Variants in MTCL3 observed in about 807,000 individuals in gnomAD.
MTCL3 encodes the protein microtubule cross-linking factor 3.
chr6:127,473,007 A>G, the MTCL3 span: 1 of 748,808 alleles, frequency 1.3e-6, no homozygotes, highest in Non-Finnish European at 1.7e-6. Flanking sequence ...ATTTATCAAG[A>G]GGAGACAAAC....
At chr6:127,501,349 A>C in the MTCL3 span, among the ~76,000 whole-genome samples, 1,337 of 152,334 alleles carry the variant, frequency 8.8e-3, 21 homozygotes, top group African/African-American at 0.031. Flanking sequence ...TCCTAAATAC[A>C]CACAGTTGGA....
chr6:127,505,215 A>G, the MTCL3 span, among the ~76,000 whole-genome samples: 2 of 152,238 alleles, frequency 1.3e-5, no homozygotes, highest in Non-Finnish European at 2.9e-5. Context: ...ACTGAGTAGC[A>G]ATGGCGAGAT....
the MTCL3 span, chr6:127,476,076 C>T: frequency 6.2e-7 from 1 of 1,613,872 alleles, no homozygotes; most frequent in East Asian, 2.2e-5. The surrounding 1 kb of genome is among the most constrained non-coding windows in gnomAD (Gnocchi z 4.4). Context: ...CTTCCACCAG[C>T]TGCAGGTGCT....
At chr6:127,485,016 A>G in the MTCL3 span, among the ~76,000 whole-genome samples, 1 of 152,052 alleles carries the variant, frequency 6.6e-6, no homozygotes, top group Non-Finnish European at 1.5e-5. Flanking sequence ...CTGATTCAGA[A>G]ACTCTGAGGA....
At chr6:127,507,258 A>T in the MTCL3 span, among the ~76,000 whole-genome samples, 1 of 152,228 alleles carries the variant, frequency 6.6e-6, no homozygotes, top group African/African-American at 2.4e-5. Flanking sequence ...TTTGTTCAGC[A>T]CTTTATAGTT....
At chr6:127,484,114 G>A in the MTCL3 span, among the ~76,000 whole-genome samples, 1 of 152,174 alleles carries the variant, frequency 6.6e-6, no homozygotes, top group Non-Finnish European at 1.5e-5. Flanking sequence ...AAGGACAGGG[G>A]TATAGACTGA....
chr6:127,485,757 G>C, the MTCL3 span, among the ~76,000 whole-genome samples: 1 of 152,066 alleles, frequency 6.6e-6, no homozygotes, highest in African/African-American at 2.4e-5. Flanking sequence ...TGTTTATAAT[G>C]ATAAAAAGGA....
At chr6:127,484,017 A>T in the MTCL3 span, among the ~76,000 whole-genome samples, 2 of 152,322 alleles carry the variant, frequency 1.3e-5, no homozygotes, top group Middle Eastern at 3.4e-3. Context: ...CCATAAAAAT[A>T]GTGCTTGCCA....
the MTCL3 span, chr6:127,475,422 G>T: frequency 6.2e-7 from 1 of 1,613,260 alleles, no homozygotes; most frequent in Non-Finnish European, 8.5e-7. This position sits in a 1 kb window ranked among gnomAD's most constrained non-coding sequence, Gnocchi z 7.3. Context: ...AGAGCAGCTC[G>T]TGCTCCCGGA....
the MTCL3 span, among the ~76,000 whole-genome samples, chr6:127,494,047 T>A: frequency 6.6e-6 from 1 of 152,220 alleles, no homozygotes; most frequent in Non-Finnish European, 1.5e-5. Context: ...ATCAGAATTA[T>A]CTTCACAGGG....
At chr6:127,516,553 G>T in the MTCL3 span, 3 of 1,598,208 alleles carry the variant, frequency 1.9e-6, no homozygotes, top group East Asian at 6.7e-5. Context: ...CTCAGTGGCT[G>T]CAGCGGCGGG....
the MTCL3 span, among the ~76,000 whole-genome samples, chr6:127,494,515 AT>A: frequency 1.3e-5 from 2 of 152,230 alleles, no homozygotes; most frequent in Non-Finnish European, 2.9e-5. Context: ...TTAGAACTCC[AT>A]ATGGGCTGCC....
chr6:127,512,203 G>A, the MTCL3 span, among the ~76,000 whole-genome samples: 28 of 151,982 alleles, frequency 1.8e-4, no homozygotes, highest in South Asian at 5.8e-3. Flanking sequence ...AAACACATTT[G>A]GAATCTTCAA....
chr6:127,475,449 C>G, the MTCL3 span: 1 of 1,613,252 alleles, frequency 6.2e-7, no homozygotes, highest in Admixed American at 1.7e-5. The surrounding 1 kb of genome is among the most constrained non-coding windows in gnomAD (Gnocchi z 7.3). Context: ...TGCCGTCGTC[C>G]TCCTCGTCCA....
At chr6:127,476,349 C>T in the MTCL3 span, 1 of 1,614,206 alleles carries the variant, frequency 6.2e-7, no homozygotes, top group Non-Finnish European at 8.5e-7. This position sits in a 1 kb window ranked among gnomAD's most constrained non-coding sequence, Gnocchi z 4.4. Flanking sequence ...AGGATCTGTA[C>T]TTCTGGAGCT....
chr6:127,475,280 G>A, the MTCL3 span: 1 of 1,587,238 alleles, frequency 6.3e-7, no homozygotes, highest in Non-Finnish European at 8.6e-7. The surrounding 1 kb of genome is among the most constrained non-coding windows in gnomAD (Gnocchi z 7.3). Context: ...GCTCGCAATA[G>A]GCAGAACTGT....
the MTCL3 span, among the ~76,000 whole-genome samples, chr6:127,490,628 C>T: frequency 1.3e-5 from 2 of 151,848 alleles, no homozygotes; most frequent in Non-Finnish European, 2.9e-5. Context: ...ACAATCCTGG[C>T]CAACACGGTG....
chr6:127,490,001 T>C, the MTCL3 span, among the ~76,000 whole-genome samples: 2 of 152,218 alleles, frequency 1.3e-5, no homozygotes, highest in South Asian at 4.1e-4. Context: ...GAGAAGTCAA[T>C]GCCTAGCTTC....
chr6:127,482,000 C>CA, the MTCL3 span, among the ~76,000 whole-genome samples: 1 of 152,182 alleles, frequency 6.6e-6, no homozygotes, highest in African/African-American at 2.4e-5. Flanking sequence ...TTACAAATGC[C>CA]ATGACAACAT....
Sources: allele counts gnomAD v4.1 joint callset (sites outside exome capture counted in the v4.1 genomes callset), GRCh38; gene constraint gnomAD v4.1.1; non-coding constraint Gnocchi (gnomAD v3.1); transcripts MANE v1.5; gene names NCBI Gene and HGNC (gene_info 2026-07-23, HGNC 2026-07-21).